Variants in RNLS observed in about 807,000 individuals in gnomAD.
The protein encoded by RNLS is renalase.
RNLS carries 39 observed loss-of-function variants against 39.8 expected under a neutral mutation model. The observed-to-expected ratio is 0.98, with a 90% CI of 0.76 to 1.28. The LOEUF (loss-of-function observed/expected upper bound fraction) is 1.28. Ranked by LOEUF, RNLS falls within the 50% of genes most tolerant of loss-of-function variation. The pLI, the probability that RNLS is intolerant of heterozygous loss-of-function variation, is 0.00. For synonymous variants in RNLS, 147 were observed against 150.7 expected (o/e 0.98, Z 0.18); for missense variants, 410 against 413.3 (o/e 0.99, Z 0.07).
At chr10:88,193,990 G>T in the RNLS span, among the ~76,000 whole-genome samples, 2 of 152,158 alleles carry the variant, frequency 1.3e-5, no homozygotes, top group Non-Finnish European at 2.9e-5. Context: ...TGCAAGCACA[G>T]GTGATTTTTC....
chr10:88,229,927 G>T, the RNLS span, among the ~76,000 whole-genome samples: 1 of 152,052 alleles, frequency 6.6e-6, no homozygotes, highest in Non-Finnish European at 1.5e-5. Flanking sequence ...GATGGGCATT[G>T]GGGTGGTTTC....
At position 88,513,581 on chromosome 10, in the gene RNLS, G is replaced by T. The variant is rs564833791; in HGVS notation, c.526+59322C>A. ...TAATTTTTTATTAATTTCTGAATAA[G>T]TTGCAGATATCACTACACCTCCCCT... On this transcript the variant is annotated intron_variant, in intron 4 of 6. Transcript: ENST00000331772. Among the ~76,000 whole-genome samples the T allele has an allele frequency of 2.6e-5, 4 of 152,026 alleles. No individual in the cohort carries two copies. In the South Asian group the frequency reaches 8.3e-4, roughly 32 times the overall value.
At chr10:88,407,980 T>G (rs1853392529) in intron 4 of RNLS, among the ~76,000 whole-genome samples, 2 of 152,146 alleles carry the variant, frequency 1.3e-5, no homozygotes, top group Non-Finnish European at 2.9e-5. Flanking sequence ...TACTTGTCTT[T>G]ACCCCCACCT....
the RNLS span, among the ~76,000 whole-genome samples, chr10:88,265,001 T>C: frequency 1.3e-5 from 2 of 152,324 alleles, no homozygotes; most frequent in South Asian, 2.1e-4. Flanking sequence ...CCTTCTTGAG[T>C]AGATTTTTGT....
chr10:88,243,690 C>T, the RNLS span, among the ~76,000 whole-genome samples: 2 of 152,226 alleles, frequency 1.3e-5, no homozygotes, highest in African/African-American at 4.8e-5. Context: ...CAGCCTAAAG[C>T]ATTTGCCGAT....
chr10:88,393,899 A>G (rs1357063383), intron 4 of RNLS, among the ~76,000 whole-genome samples: 1 of 152,224 alleles, frequency 6.6e-6, no homozygotes, highest in East Asian at 1.9e-4. Context: ...TATATCTACA[A>G]CTATCTGATC....
chr10:88,516,735 T>C (rs1250898593), intron 4 of RNLS, among the ~76,000 whole-genome samples: 1 of 152,028 alleles, frequency 6.6e-6, no homozygotes, highest in African/African-American at 2.4e-5. Flanking sequence ...TGGATTGCAT[T>C]ATAAAAAAAG....
At chr10:88,195,012 C>T in the RNLS span, among the ~76,000 whole-genome samples, 1 of 152,172 alleles carries the variant, frequency 6.6e-6, no homozygotes, top group Admixed American at 6.5e-5. Flanking sequence ...GTTGGTCAGG[C>T]ATACTCGAGT....
chr10:88,504,047 C>T (rs146502968), intron 4 of RNLS, among the ~76,000 whole-genome samples: 68 of 152,200 alleles, frequency 4.5e-4, no homozygotes, highest in African/African-American at 1.5e-3. Flanking sequence ...CAGCAAGAAA[C>T]AAAAGCCTGC....
At chr10:88,539,328 A>C (rs1847929055) in intron 4 of RNLS, among the ~76,000 whole-genome samples, 1 of 152,140 alleles carries the variant, frequency 6.6e-6, no homozygotes, top group Non-Finnish European at 1.5e-5. Flanking sequence ...AATACTAAAA[A>C]TTGGAGGGGT....
At chr10:88,426,094 G>C (rs534063706) in intron 4 of RNLS, among the ~76,000 whole-genome samples, 92 of 152,136 alleles carry the variant, frequency 6.0e-4, no homozygotes, top group Non-Finnish European at 1.2e-3. Context: ...CATTTAGTTT[G>C]TTATATGGCA....
chr10:88,381,255 A>G (rs150176772), intron 4 of RNLS, among the ~76,000 whole-genome samples: 1 of 152,242 alleles, frequency 6.6e-6, no homozygotes, highest in African/African-American at 2.4e-5. Context: ...GTCTTCTTGT[A>G]TATTAACATG....
Position 88,426,439 on chromosome 10 carries a change from C to T in RNLS, c.527-63714G>A, listed in dbSNP as rs918609097. On this transcript the variant is annotated intron_variant, in intron 4 of 6. Transcript: ENST00000331772. ...TATATAGAAAACATTCCCCCCAATT[C>T]CCCCTTTTTTTACTGTTGGGAAAAA... Among the ~76,000 whole-genome samples, 11 of 151,980 alleles carry T rather than the reference C, an allele frequency of 7.2e-5. 1 individual carries two copies. In the East Asian group the frequency reaches 2.1e-3, roughly 29 times the overall value.
chr10:88,240,121 T>A, the RNLS span, among the ~76,000 whole-genome samples: 1 of 152,244 alleles, frequency 6.6e-6, no homozygotes, highest in Admixed American at 6.5e-5. Context: ...AATACTTTTA[T>A]CAATAACATT....
chr10:88,381,383 C>T (rs145555185), intron 4 of RNLS, among the ~76,000 whole-genome samples: 3 of 148,682 alleles, frequency 2.0e-5, no homozygotes, highest in Non-Finnish European at 4.5e-5. Context: ...CTGTTGTTTT[C>T]GTTATTCTTG....
chr10:88,176,589 C>A, the RNLS span, among the ~76,000 whole-genome samples: 1 of 152,080 alleles, frequency 6.6e-6, no homozygotes, highest in Non-Finnish European at 1.5e-5. Flanking sequence ...TCTTTTGTTC[C>A]TTTATTACTC....
At chr10:88,492,350 T>A (rs1419617494) in intron 4 of RNLS, among the ~76,000 whole-genome samples, 2 of 152,030 alleles carry the variant, frequency 1.3e-5, no homozygotes, top group Non-Finnish European at 2.9e-5. Context: ...GAAAATGGCA[T>A]GCAAGCTGCT....
intron 4 of RNLS, among the ~76,000 whole-genome samples, chr10:88,375,872 A>T (rs1308086022): frequency 1.3e-5 from 2 of 152,140 alleles, no homozygotes; most frequent in Non-Finnish European, 2.9e-5. Context: ...GGATCAGATG[A>T]TTATATAGCA....
At chr10:88,426,781 G>C (rs1434849546) in intron 4 of RNLS, among the ~76,000 whole-genome samples, 1 of 151,950 alleles carries the variant, frequency 6.6e-6, no homozygotes, top group African/African-American at 2.4e-5. Flanking sequence ...GTTCAGCCCT[G>C]TTCTTAACCA....
Sources: allele counts gnomAD v4.1 joint callset (sites outside exome capture counted in the v4.1 genomes callset), GRCh38; gene constraint gnomAD v4.1.1; transcripts MANE v1.5; gene names NCBI Gene and HGNC (gene_info 2026-07-23, HGNC 2026-07-21).